Variants in PPP1R16B observed in about 807,000 individuals in gnomAD.
The protein encoded by PPP1R16B is protein phosphatase 1 regulatory subunit 16B.
A neutral mutation model predicts 61.7 loss-of-function variants in PPP1R16B; 14 were observed. The observed-to-expected ratio is 0.23, with a 90% CI of 0.15 to 0.35. PPP1R16B has a LOEUF of 0.35. PPP1R16B is among the 10% of genes least tolerant of loss of function. The probability of loss-of-function intolerance (pLI) is 1.00; values close to 1 mark genes in which losing one functional copy is unlikely to be tolerated. For synonymous variants in PPP1R16B, 266 were observed against 305.3 expected, an observed-to-expected ratio of 0.87 and a Z score of 1.34; for missense variants, 547 against 752.5, an observed-to-expected ratio of 0.73 and a Z score of 3.19.
At chr20:38,881,265 C>T (rs2085201611) in intron 2 of PPP1R16B, among the ~76,000 whole-genome samples, 1 of 152,240 alleles carries the variant, frequency 6.6e-6, no homozygotes, top group South Asian at 2.1e-4. Flanking sequence ...GCTATTTCTG[C>T]TCCAGGGAGG....
At chr20:38,864,662 T>G (rs941749925) in intron 2 of PPP1R16B, among the ~76,000 whole-genome samples, 1 of 152,084 alleles carries the variant, frequency 6.6e-6, no homozygotes, top group Non-Finnish European at 1.5e-5. Context: ...ACTTCATGTA[T>G]AACAGAGGGA....
intron 10 of PPP1R16B, among the ~76,000 whole-genome samples, chr20:38,912,686 T>A (rs1312324023): frequency 7.3e-5 from 11 of 151,136 alleles, no homozygotes; most frequent in East Asian, 3.9e-4. Flanking sequence ...AAAAAAAAAA[T>A]AAAAATAAAT....
intron 4 of PPP1R16B, among the ~76,000 whole-genome samples, chr20:38,896,102 T>C (rs746613920): frequency 1.0e-4 from 11 of 106,312 alleles, no homozygotes; most frequent in Non-Finnish European, 1.6e-4. Flanking sequence ...CTTTCTTCTG[T>C]CTCCCCTCCC....
At chr20:38,871,406 A>G (rs2085128158) in intron 2 of PPP1R16B, among the ~76,000 whole-genome samples, 1 of 152,020 alleles carries the variant, frequency 6.6e-6, no homozygotes, top group African/African-American at 2.4e-5. Context: ...ATGCATTCTG[A>G]GGATTGGTTT....
rs2084657810 is a variant in PPP1R16B, at chr20:38,806,015, T to A, written c.-102+223T>A. ...GGGAGTCGGGCTGGAATGGGGGCGTTCTCCCCGGCCTCGCAATTCCTTGAC... is the reference window on the plus strand; with the variant it reads ...GGGAGTCGGGCTGGAATGGGGGCGTACTCCCCGGCCTCGCAATTCCTTGAC... On this transcript the variant is annotated intron_variant, in intron 1 of 10. Transcript: ENST00000299824. This position sits in a 1 kb window ranked among gnomAD's most constrained non-coding sequence, Gnocchi z 4.5. 6.7e-6 allele frequency among the ~76,000 whole-genome samples: 1 copy of A among 149,868 alleles called. No homozygotes were observed. Among genetic ancestry groups the A allele is most frequent in the South Asian group, 2.1e-4 (1 of 4,666 alleles).
Position 38,806,243 on chromosome 20 carries a change from G to T in PPP1R16B, c.-102+451G>T, listed in dbSNP as rs2084660121. Among the ~76,000 whole-genome samples, 1 of 152,032 alleles carries T rather than the reference G, an allele frequency of 6.6e-6. No individual in the cohort carries two copies. Among genetic ancestry groups the T allele is most frequent in the African/African-American group, 2.4e-5 (1 of 41,416 alleles). On this transcript the variant is annotated intron_variant, in intron 1 of 10. Coordinates refer to ENST00000299824, the MANE Select transcript of PPP1R16B (RefSeq NM_015568.4). This position sits in a 1 kb window ranked among gnomAD's most constrained non-coding sequence, Gnocchi z 4.5. ...TCTCCCGGCCGGGCATGGTGGTGCC[G>T]CCCCCTCGCGTGGCGGGGCTTGGTC... is the stretch of plus-strand genomic sequence containing the variant.
intron 10 of PPP1R16B, among the ~76,000 whole-genome samples, chr20:38,914,325 G>A (rs771655390): frequency 9.2e-5 from 14 of 152,148 alleles, no homozygotes; most frequent in Non-Finnish European, 1.8e-4. Flanking sequence ...GAGCGTTCTG[G>A]AAATCCTATG....
intron 2 of PPP1R16B, among the ~76,000 whole-genome samples, chr20:38,860,203 G>A (rs2085038597): frequency 6.6e-6 from 1 of 152,094 alleles, no homozygotes; most frequent in Non-Finnish European, 1.5e-5. Flanking sequence ...TCTGACCTCA[G>A]GTGATCCTCC....
At position 38,859,253 on chromosome 20, in the gene PPP1R16B, C is replaced by T. The variant is rs186205211; in HGVS notation, c.250+23078C>T. 7.9e-5 allele frequency among the ~76,000 whole-genome samples: 12 copies of T among 151,218 alleles called. No homozygotes were observed. In the East Asian group the frequency reaches 2.3e-3, roughly 30 times the overall value. On this transcript the variant is annotated intron_variant, in intron 2 of 10. Coordinates refer to ENST00000299824, the MANE Select transcript of PPP1R16B (RefSeq NM_015568.4). Reference sequence around the variant, plus strand: ...CACGGGTATTCATGCTTACTTCAGCCTGTGGGTGGGGAACGGGGAGTGACT... The same window carrying T: ...CACGGGTATTCATGCTTACTTCAGCTTGTGGGTGGGGAACGGGGAGTGACT...
chr20:38,920,005 A>C lies in PPP1R16B; in HGVS notation c.*1339A>C, dbSNP rs1342753412. 4 of 152,268 alleles carry C rather than the reference A, an allele frequency of 2.6e-5. No individual in the cohort carries two copies. 9.4% of individuals were successfully genotyped at this position (152,268 alleles called of 1,614,324 possible). ...GGGGCTCCCAGCCTGCACTTGCAGG[A>C]GTGGTGATGCCCCAAGTCTGCGAAT... On this transcript the variant is annotated 3_prime_UTR_variant, in exon 11 of 11. Transcript: ENST00000299824.
Position 38,918,824 on chromosome 20 carries a change from C to T in PPP1R16B, c.*158C>T. 3.4e-6 allele frequency: 3 copies of T among 879,636 alleles called. No individual in the cohort carries two copies. Among genetic ancestry groups the T allele is most frequent in the Non-Finnish European group, 4.7e-6 (3 of 635,966 alleles). 54.5% of individuals were successfully genotyped at this position (879,636 alleles called of 1,614,324 possible). On this transcript the variant is annotated 3_prime_UTR_variant, in exon 11 of 11. Transcript: ENST00000299824. This position sits in a 1 kb window ranked among gnomAD's most constrained non-coding sequence, Gnocchi z 5.3. Reference sequence around the variant, plus strand: ...CCAGCCCTCAGCTGGCTGCCCATAGCATCCCATGTCCCACGTCCCGTGGTT... The same window carrying T: ...CCAGCCCTCAGCTGGCTGCCCATAGTATCCCATGTCCCACGTCCCGTGGTT...
intron 1 of PPP1R16B, among the ~76,000 whole-genome samples, chr20:38,828,571 G>A (rs764566940): frequency 2.0e-5 from 3 of 152,182 alleles, no homozygotes; most frequent in South Asian, 2.1e-4. Context: ...TCTGGTGACC[G>A]CCAAGCATTG....
rs2085612906 is a variant in PPP1R16B at position 38,922,932 on chromosome 20, A to C, written c.*4266A>C. ...CTCAGCCACATCCCAAAGGGGGCAC[A>C]TGTCCCTGGAGTTGCTTCCAGCTGC... is the stretch of plus-strand genomic sequence containing the variant. On this transcript the variant is annotated 3_prime_UTR_variant, in exon 11 of 11. Transcript: ENST00000299824. 6.6e-6 allele frequency: 1 copy of C among 152,342 alleles called. No homozygotes were observed. The highest frequency in any genetic ancestry group is 2.4e-5 in the African/African-American group (1 of 41,480). The allele number at this position is 152,342 out of a possible 1,614,324, so 9.4% of individuals were successfully genotyped here. A position where few individuals can be genotyped will look rare whatever the true frequency, so the allele number is the denominator to read the frequency against.
chr20:38,813,202 CAA>C (rs1051736946), intron 1 of PPP1R16B, among the ~76,000 whole-genome samples: 1 of 152,200 alleles, frequency 6.6e-6, no homozygotes, highest in Non-Finnish European at 1.5e-5. Flanking sequence ...CCAGACTTGA[CAA>C]AGAGGATGCT....
intron 1 of PPP1R16B, among the ~76,000 whole-genome samples, chr20:38,819,580 C>G (rs2084760059): frequency 6.6e-6 from 1 of 152,064 alleles, no homozygotes; most frequent in Admixed American, 6.5e-5. Context: ...AGTGTTCTAC[C>G]AAAAACATCC....
chr20:38,894,552 C>G (rs1036523727), intron 3 of PPP1R16B, among the ~76,000 whole-genome samples: 1 of 152,214 alleles, frequency 6.6e-6, no homozygotes, highest in Non-Finnish European at 1.5e-5. Flanking sequence ...TGCTCCCCTT[C>G]GTAGTGTAAC....
chr20:38,869,154 T>C (rs1444804170), intron 2 of PPP1R16B, among the ~76,000 whole-genome samples: 1 of 98,682 alleles, frequency 1.0e-5, no homozygotes, highest in Non-Finnish European at 2.2e-5. Context: ...TTAGCCATTT[T>C]ATTTTTTTTT....
intron 10 of PPP1R16B, among the ~76,000 whole-genome samples, chr20:38,916,789 C>T (rs2085545007): frequency 6.6e-6 from 1 of 152,104 alleles, no homozygotes; most frequent in African/African-American, 2.4e-5. Context: ...TCACTTATTT[C>T]CCCATACCCC....
chr20:38,869,674 G>A (rs1183590265), intron 2 of PPP1R16B, among the ~76,000 whole-genome samples: 1 of 152,152 alleles, frequency 6.6e-6, no homozygotes, highest in Non-Finnish European at 1.5e-5. Flanking sequence ...GAATCACATA[G>A]TATGGACCCT....
Sources: gnomAD v4.1 joint callset for allele counts (sites outside exome capture counted in the v4.1 genomes callset) on GRCh38, gnomAD v4.1.1 for gene constraint, Gnocchi (gnomAD v3.1) non-coding constraint, MANE v1.5 for transcripts, NCBI Gene and HGNC (gene_info 2026-07-23, HGNC 2026-07-21) for gene names.